Variants in LAMP1 observed in about 807,000 individuals in gnomAD.
The protein encoded by LAMP1 is lysosome-associated membrane glycoprotein 1.
In LAMP1, 7 loss-of-function variants were observed where a neutral mutation model predicts 37.5. The ratio of observed to expected loss-of-function variants is 0.19; its 90% CI spans 0.11 to 0.35. LAMP1 has a LOEUF of 0.35. Ranked by LOEUF, LAMP1 falls within the 10% of genes least tolerant of loss-of-function variation. The probability of loss-of-function intolerance (pLI) is 1.00; values close to 1 mark genes in which losing one functional copy is unlikely to be tolerated. For synonymous variants in LAMP1, 236 were observed against 229.1 expected, an observed-to-expected ratio of 1.03 and a Z score of -0.27; for missense variants, 537 against 552.8, an observed-to-expected ratio of 0.97 and a Z score of 0.29.
intron 5 of LAMP1, among the ~76,000 whole-genome samples, 156 bp downstream of exon 5, chr13:113,319,812 C>T (rs955220392): frequency 3.3e-5 from 5 of 152,182 alleles, no homozygotes; most frequent in African/African-American, 7.2e-5. Context: ...CAAGAGCTGG[C>T]GTCTGTGTCA....
At chr13:113,299,039 C>T (rs1433195132) in intron 1 of LAMP1, among the ~76,000 whole-genome samples, 1 of 152,062 alleles carries the variant, frequency 6.6e-6, no homozygotes, top group Non-Finnish European at 1.5e-5. Flanking sequence ...ACTTGGTAGG[C>T]TGAGGCAGAA....
At chr13:113,307,075 G>A (rs535128125) in intron 2 of LAMP1, among the ~76,000 whole-genome samples, 101 of 151,714 alleles carry the variant, frequency 6.7e-4, no homozygotes, top group African/African-American at 2.3e-3. Flanking sequence ...TCCTGACCTC[G>A]TGATCCACCC....
At chr13:113,299,687 G>T (rs965264369) in intron 1 of LAMP1, among the ~76,000 whole-genome samples, 4 of 151,058 alleles carry the variant, frequency 2.6e-5, no homozygotes, top group African/African-American at 9.8e-5. Context: ...TCCTGCCTCA[G>T]CCTCCCTAGT....
At chr13:113,308,236 A>G (rs1262605043) in intron 2 of LAMP1, among the ~76,000 whole-genome samples, 1 of 151,466 alleles carries the variant, frequency 6.6e-6, no homozygotes, top group African/African-American at 2.4e-5. Flanking sequence ...GGCTGGTCTT[A>G]AACTACTGGC....
chr13:113,312,482 G>T (rs2042635662), intron 4 of LAMP1, among the ~76,000 whole-genome samples: 1 of 152,222 alleles, frequency 6.6e-6, no homozygotes, highest in African/African-American at 2.4e-5. Context: ...CTTTGCGGCA[G>T]ACTTTGCCTT....
At chr13:113,313,166 G>A (rs1020905857) in intron 4 of LAMP1, among the ~76,000 whole-genome samples, 1 of 152,132 alleles carries the variant, frequency 6.6e-6, no homozygotes, top group African/African-American at 2.4e-5. Flanking sequence ...ACTCACTCCT[G>A]CCTGGAAGTG....
At chr13:113,315,480 C>T (rs2042658266) in intron 4 of LAMP1, among the ~76,000 whole-genome samples, 1 of 146,352 alleles carries the variant, frequency 6.8e-6, no homozygotes, top group African/African-American at 2.5e-5. Flanking sequence ...ACCTCTGCCT[C>T]CCGGGTTCAA....
chr13:113,315,769 C>G (rs898174142), intron 4 of LAMP1, among the ~76,000 whole-genome samples: 1 of 151,952 alleles, frequency 6.6e-6, no homozygotes, highest in African/African-American at 2.4e-5. Flanking sequence ...AATGGACTTT[C>G]CTGTTGGTTT....
chr13:113,303,962 G>A (rs1451882219), intron 1 of LAMP1, among the ~76,000 whole-genome samples: 2 of 152,100 alleles, frequency 1.3e-5, no homozygotes, highest in Non-Finnish European at 2.9e-5. Context: ...GTACAAACCT[G>A]TAGTCCCAGC....
Position 113,297,351 on chromosome 13 carries a change from C to T in LAMP1, c.-84C>T. ...TAACGCCAGCCCTTGGCGCCCGCGC[C>T]CCGCCACCGCAGCGCCCGGCAGTCC... is the stretch of plus-strand genomic sequence containing the variant. On this transcript the variant is annotated 5_prime_UTR_variant, in exon 1 of 9. Transcript: ENST00000332556. The surrounding 1 kb of genome is among the most constrained non-coding windows in gnomAD (Gnocchi z 4.4). 1 of 251,144 alleles carries T rather than the reference C, an allele frequency of 4.0e-6. No homozygotes were observed. Among genetic ancestry groups the T allele is most frequent in the Non-Finnish European group, 6.9e-6 (1 of 145,586 alleles). 15.6% of individuals were successfully genotyped at this position (251,144 alleles called of 1,614,324 possible). A position where few individuals can be genotyped will look rare whatever the true frequency, so the allele number is the denominator to read the frequency against.
chr13:113,319,423 G>T, intron 4 of LAMP1, 46 bp from the exon 5 acceptor site: 1 of 1,516,224 alleles, frequency 6.6e-7, no homozygotes, highest in South Asian at 1.2e-5. Flanking sequence ...AACTGCTGAT[G>T]GTTATGAGAA....
intron 1 of LAMP1, among the ~76,000 whole-genome samples, chr13:113,304,602 T>G (rs2042589265): frequency 6.6e-6 from 1 of 152,096 alleles, no homozygotes; most frequent in Admixed American, 6.6e-5. Flanking sequence ...GACAGTAGAT[T>G]GGAGGTTTCC....
intron 4 of LAMP1, among the ~76,000 whole-genome samples, chr13:113,315,182 G>T (rs1274699108): frequency 4.9e-5 from 6 of 122,444 alleles, no homozygotes; most frequent in African/African-American, 1.9e-4. Flanking sequence ...GTGGCCTCCC[G>T]GAGGGAGTCA....
chr13:113,301,647 ATATATATATATATATATATATAT>A lies in LAMP1; in HGVS notation c.61+4153_61+4175del, dbSNP rs2042574578. ...CCATTTAAAAAAAAAAAAAAAAAAT[ATATATATATATATATATATATAT>A]ATATATATATATATATATATATTTA... On this transcript the variant is annotated intron_variant, in intron 1 of 8. Transcript: ENST00000332556. 7.6e-3 allele frequency among the ~76,000 whole-genome samples: 3 copies of A among 394 alleles called. 1 individual carries two copies. 0.3% of individuals were successfully genotyped at this position (394 alleles called of 152,430 possible).
chr13:113,300,486 C>CAAAAA (rs781688099), intron 1 of LAMP1, among the ~76,000 whole-genome samples: 1 of 60,272 alleles, frequency 1.7e-5, no homozygotes, highest in Non-Finnish European at 3.6e-5. Flanking sequence ...AACTCAATGT[C>CAAAAA]AAAAAAAAAA....
intron 1 of LAMP1, among the ~76,000 whole-genome samples, chr13:113,302,405 GT>G (rs1483646528): frequency 6.6e-6 from 1 of 151,762 alleles, no homozygotes; most frequent in African/African-American, 2.4e-5. Context: ...AGCTAGGCTA[GT>G]CTCAAACTCC....
chr13:113,298,548 C>T (rs1324173111), intron 1 of LAMP1, among the ~76,000 whole-genome samples: 2 of 152,154 alleles, frequency 1.3e-5, no homozygotes, highest in Non-Finnish European at 2.9e-5. Context: ...GCCTTGACTT[C>T]TTTAAATCCC....
In LAMP1 at chr13:113,297,347, G is replaced by A; in HGVS notation, c.-88G>A. 1 of 235,636 alleles carries A rather than the reference G, an allele frequency of 4.2e-6. No homozygotes were observed. Among genetic ancestry groups the A allele is most frequent in the Non-Finnish European group, 7.5e-6 (1 of 132,866 alleles). 14.6% of individuals were successfully genotyped at this position (235,636 alleles called of 1,614,324 possible). On this transcript the variant is annotated 5_prime_UTR_variant, in exon 1 of 9. Coordinates refer to ENST00000332556, the MANE Select transcript of LAMP1 (RefSeq NM_005561.4). This position sits in a 1 kb window ranked among gnomAD's most constrained non-coding sequence, Gnocchi z 4.4. ...TCTCTAACGCCAGCCCTTGGCGCCC[G>A]CGCCCCGCCACCGCAGCGCCCGGCA...
intron 4 of LAMP1, among the ~76,000 whole-genome samples, chr13:113,316,402 T>C (rs576873601): frequency 8.1e-4 from 119 of 147,184 alleles, no homozygotes; most frequent in Non-Finnish European, 1.6e-3. Context: ...GTGTCTCATC[T>C]CCCACCCAAT....
Sources: allele counts gnomAD v4.1 joint callset (sites outside exome capture counted in the v4.1 genomes callset), GRCh38; gene constraint gnomAD v4.1.1; non-coding constraint Gnocchi (gnomAD v3.1); transcripts MANE v1.5; gene names NCBI Gene and HGNC (gene_info 2026-07-23, HGNC 2026-07-21).